Variants in CSMD3 observed in about 807,000 individuals in gnomAD.
CSMD3 encodes the protein CUB and sushi domain-containing protein 3.
In CSMD3, 177 loss-of-function variants were observed where a neutral mutation model predicts 435.2. The ratio of observed to expected loss-of-function variants is 0.41; its 90% CI spans 0.36 to 0.46. CSMD3 has a LOEUF of 0.46. Ranked by LOEUF, CSMD3 falls within the 20% of genes least tolerant of loss-of-function variation. The pLI is 0.34. For missense variants in CSMD3, 4,265 were observed against 4,504.6 expected (o/e 0.95, Z 1.52); for synonymous variants, 1,656 against 1,520.5 (o/e 1.09, Z -2.07).
rs376480385 is a variant in CSMD3, at chr8:112,859,279, T to C, written c.1634-13A>G. The C allele has an allele frequency of 5.5e-5, 88 of 1,608,594 alleles. No individual in the cohort carries two copies. In the South Asian group the frequency reaches 8.9e-4, roughly 16 times the overall value. The stretch of plus-strand genomic sequence containing the variant: ...CCACACGTTTTCACTAAAAGAGAAA[T>C]TGCATTTTAAAAGATGAACATATGT... On this transcript the variant is annotated splice_polypyrimidine_tract_variant and intron_variant, in intron 10 of 70. Coordinates refer to ENST00000297405, the MANE Select transcript of CSMD3 (RefSeq NM_198123.2).
At chr8:113,382,309 A>C (rs2133109553) in intron 1 of CSMD3, among the ~76,000 whole-genome samples, 1 of 152,300 alleles carries the variant, frequency 6.6e-6, no homozygotes, top group Non-Finnish European at 1.5e-5. Context: ...AAAACTTGAT[A>C]ATCAAAAATC....
intron 13 of CSMD3, among the ~76,000 whole-genome samples, chr8:112,736,585 T>C (rs2077189903): frequency 6.6e-6 from 1 of 152,084 alleles, no homozygotes; most frequent in South Asian, 2.1e-4. Context: ...TCTTTGAAGC[T>C]TTCCCAGATG....
At chr8:113,255,423 C>T (rs2093371595) in intron 3 of CSMD3, among the ~76,000 whole-genome samples, 1 of 151,942 alleles carries the variant, frequency 6.6e-6, no homozygotes, top group South Asian at 2.1e-4. Flanking sequence ...TCTATAAGCA[C>T]ATCATGACAA....
At chr8:113,308,354 C>T (rs1402981173) in intron 2 of CSMD3, among the ~76,000 whole-genome samples, 3 of 144,946 alleles carry the variant, frequency 2.1e-5, no homozygotes, top group South Asian at 2.2e-4. Context: ...CTGCAAGCTC[C>T]GCCTCCCGGG....
chr8:112,266,939 T>C (rs1817005885), intron 59 of CSMD3, among the ~76,000 whole-genome samples: 1 of 152,204 alleles, frequency 6.6e-6, no homozygotes, highest in African/African-American at 2.4e-5. Flanking sequence ...ACATGCCTTT[T>C]AGTCTGCTAA....
At chr8:112,899,408 T>C (rs901270715) in intron 10 of CSMD3, among the ~76,000 whole-genome samples, 1 of 149,932 alleles carries the variant, frequency 6.7e-6, no homozygotes, top group Non-Finnish European at 1.5e-5. Context: ...AATATGTGCA[T>C]ATAGGCACAT....
At chr8:113,386,716 C>A (rs1446971827) in intron 1 of CSMD3, among the ~76,000 whole-genome samples, 1 of 151,720 alleles carries the variant, frequency 6.6e-6, no homozygotes, top group Non-Finnish European at 1.5e-5. Flanking sequence ...AAATGTGATC[C>A]ACAGACCACT....
intron 35 of CSMD3, among the ~76,000 whole-genome samples, chr8:112,396,805 T>C (rs1240902975): frequency 6.6e-6 from 1 of 152,172 alleles, no homozygotes; most frequent in Non-Finnish European, 1.5e-5. Context: ...TACAGTTCGA[T>C]GGTTGCTGTA....
chr8:113,189,943 C>T (rs1274901786), intron 3 of CSMD3, among the ~76,000 whole-genome samples: 1 of 151,682 alleles, frequency 6.6e-6, no homozygotes, highest in Non-Finnish European at 1.5e-5. Flanking sequence ...ATAATTAAAT[C>T]TTTATTTTAG....
chr8:112,710,560 G>T (rs554072197), intron 13 of CSMD3, among the ~76,000 whole-genome samples: 34 of 151,902 alleles, frequency 2.2e-4, no homozygotes, highest in Non-Finnish European at 4.3e-4. Context: ...GAAAAAGCTT[G>T]TATTTATTAA....
chr8:112,598,928 C>T (rs1294773947), intron 22 of CSMD3, among the ~76,000 whole-genome samples: 3 of 151,362 alleles, frequency 2.0e-5, no homozygotes, highest in Non-Finnish European at 4.4e-5. Context: ...AGAAGAAAAC[C>T]TAGGCAGTAC....
At chr8:112,613,048 T>C (rs1020939011) in intron 22 of CSMD3, among the ~76,000 whole-genome samples, 6 of 152,048 alleles carry the variant, frequency 3.9e-5, no homozygotes, top group South Asian at 2.1e-4. Context: ...GCTGGGATTA[T>C]AGGCAGCAAC....
intron 1 of CSMD3, among the ~76,000 whole-genome samples, chr8:113,360,322 A>G (rs1257484073): frequency 1.3e-5 from 2 of 152,098 alleles, no homozygotes; most frequent in African/African-American, 4.8e-5. Context: ...TAGCCTCTAT[A>G]ACACTATATT....
In CSMD3 at chr8:113,082,835, G is replaced by T. The variant is rs73335939; in HGVS notation, c.917+15921C>A. On this transcript the variant is annotated intron_variant, in intron 5 of 70. Transcript: ENST00000297405. ...AAAATACAATTGAGTGTCAACAATAGATTAGATCAAGCAGGAGAAAAAATT... is the reference window on the plus strand; with the variant it reads ...AAAATACAATTGAGTGTCAACAATATATTAGATCAAGCAGGAGAAAAAATT... 2.9e-3 allele frequency among the ~76,000 whole-genome samples: 440 copies of T among 152,106 alleles called. 2 individuals are homozygous for T. Among genetic ancestry groups the T allele is most frequent in the African/African-American group, 9.8e-3 (406 of 41,502 alleles).
intron 5 of CSMD3, among the ~76,000 whole-genome samples, chr8:113,073,709 T>C (rs1490488650): frequency 2.0e-5 from 3 of 151,788 alleles, no homozygotes; most frequent in Admixed American, 6.6e-5. Flanking sequence ...CAATTCTTTT[T>C]TTTTTCAGTA....
chr8:113,079,931 T>G (rs956586139), intron 5 of CSMD3, among the ~76,000 whole-genome samples: 3 of 150,866 alleles, frequency 2.0e-5, no homozygotes, highest in Non-Finnish European at 4.4e-5. Context: ...TTGGTATTTT[T>G]AAATGTTTGT....
At chr8:112,983,559 C>CCA (rs1554739697) in intron 6 of CSMD3, among the ~76,000 whole-genome samples, 1 of 148,540 alleles carries the variant, frequency 6.7e-6, no homozygotes, top group Non-Finnish European at 1.5e-5. Context: ...TGATAGAGGG[C>CCA]CATACTAGAT....
intron 8 of CSMD3, among the ~76,000 whole-genome samples, chr8:112,953,998 C>T (rs2083918642): frequency 6.6e-6 from 1 of 150,580 alleles, no homozygotes; most frequent in South Asian, 2.1e-4. Context: ...CTAATTTTGA[C>T]TACAAAAATA....
At chr8:113,336,947 CT>C (rs2094080165) in intron 1 of CSMD3, among the ~76,000 whole-genome samples, 1 of 152,002 alleles carries the variant, frequency 6.6e-6, no homozygotes, top group Non-Finnish European at 1.5e-5. Flanking sequence ...CCCACTTAGT[CT>C]TTTTTTGCTG....
Sources: gnomAD v4.1 joint callset for allele counts (sites outside exome capture counted in the v4.1 genomes callset) on GRCh38, gnomAD v4.1.1 for gene constraint, MANE v1.5 for transcripts, NCBI Gene and HGNC (gene_info 2026-07-23, HGNC 2026-07-21) for gene names.